Variants in ZYG11B observed in about 807,000 individuals in gnomAD.
The protein encoded by ZYG11B is protein zyg-11 homolog B.
A neutral mutation model predicts 82.4 loss-of-function variants in ZYG11B; 36 were observed. The observed-to-expected ratio is 0.44, with a 90% CI of 0.33 to 0.58. ZYG11B has a LOEUF of 0.58. ZYG11B is among the 20% of genes least tolerant of loss of function. The probability of loss-of-function intolerance (pLI) is 0.02; values close to 1 mark genes in which losing one functional copy is unlikely to be tolerated. For synonymous variants in ZYG11B, 303 were observed against 312.8 expected (o/e 0.97, Z 0.33); for missense variants, 552 against 895.6 (o/e 0.62, Z 4.90).
intron 8 of ZYG11B, among the ~76,000 whole-genome samples, chr1:52,801,544 A>ATGAG (rs5774128): frequency 0.59 from 89,723 of 151,598 alleles, 29,258 homozygotes; most frequent in East Asian, 0.97. Context: ...CTGTGACTGA[A>ATGAG]TAAGATAGTT....
In ZYG11B at chr1:52,771,504, C is replaced by A. The variant is rs1465629461; in HGVS notation, c.681C>A (p.Thr227=). The A allele has an allele frequency of 6.2e-7, 1 of 1,613,678 alleles. No homozygotes were observed. Among genetic ancestry groups the A allele is most frequent in the Non-Finnish European group, 8.5e-7 (1 of 1,179,946 alleles). Reference sequence around the variant, plus strand: ...TGAAATGTTTAAAAATGACAACTACCCAGATACTGGATGTAGTTCGGGAAC... The same window carrying A: ...TGAAATGTTTAAAAATGACAACTACACAGATACTGGATGTAGTTCGGGAAC... ...HHLKCLKMTT[T]QILDVVRELK... is the part of the protein sequence containing the mutation. Residue 227 remains threonine (T), a synonymous_variant, in exon 3 of 14, where the codon ACC becomes ACA. Transcript: ENST00000294353. The surrounding 1 kb of genome is among the most constrained non-coding windows in gnomAD (Gnocchi z 5.4).
intron 2 of ZYG11B, among the ~76,000 whole-genome samples, chr1:52,760,248 G>A (rs1571756953): frequency 6.6e-6 from 1 of 152,166 alleles, no homozygotes; most frequent in Non-Finnish European, 1.5e-5. Flanking sequence ...TTTGAGATCA[G>A]CCTGGCCAAC....
rs1477765540 is a variant in ZYG11B at position 52,816,563 on chromosome 1, T to C, written c.1978T>C (p.Cys660Arg). Residue 660 changes from cysteine to arginine, a missense_variant, in exon 13 of 14, where the codon TGT (cysteine) becomes CGT (arginine). By Grantham distance (180) the Cys-to-Arg change is radical. Around this residue, in one of 3 missense-constraint regions of ZYG11B, gnomAD observed 127 missense variants for 163.4 expected, o/e 0.78. Coordinates refer to ENST00000294353, the MANE Select transcript of ZYG11B (RefSeq NM_024646.3). Reference sequence around the variant, plus strand: ...TAATCCATTTTTCCCATTACTTGGCTGTTTCACAACACCAGGAGTTCAGCT... The same window carrying C: ...TAATCCATTTTTCCCATTACTTGGCCGTTTCACAACACCAGGAGTTCAGCT... ...SFNPFFPLLG[C>R]FTTPGVQLWA... The C allele has an allele frequency of 1.2e-6, 2 of 1,613,318 alleles. No individual in the cohort carries two copies. Among genetic ancestry groups the C allele is most frequent in the Admixed American group, 1.7e-5 (1 of 59,776 alleles).
chr1:52,752,086 C>A (rs1172562315), intron 1 of ZYG11B, among the ~76,000 whole-genome samples: 2 of 151,992 alleles, frequency 1.3e-5, no homozygotes, highest in Non-Finnish European at 2.9e-5. Context: ...AGGTGAGGGG[C>A]TCACTTCCAC....
intron 2 of ZYG11B, among the ~76,000 whole-genome samples, chr1:52,761,861 A>C (rs947989771): frequency 1.3e-5 from 2 of 152,154 alleles, no homozygotes; most frequent in Non-Finnish European, 2.9e-5. Context: ...TTTTGTTAAT[A>C]GCCATCCTGA....
At chr1:52,737,413 A>T (rs765485598) in intron 1 of ZYG11B, among the ~76,000 whole-genome samples, 1 of 152,146 alleles carries the variant, frequency 6.6e-6, no homozygotes, top group Non-Finnish European at 1.5e-5. Flanking sequence ...GTGTTTTTAC[A>T]GTTTCATGTC....
intron 13 of ZYG11B, among the ~76,000 whole-genome samples, chr1:52,821,005 G>A (rs1239747094): frequency 3.3e-5 from 5 of 151,048 alleles, no homozygotes; most frequent in Non-Finnish European, 5.9e-5. Context: ...CACAAGAATC[G>A]CTTGAACCCA....
In ZYG11B at chr1:52,731,198, G is replaced by A. The variant is rs1027905304; in HGVS notation, c.30+4515G>A. ...TGAGGCAGGAGAATTGCTTGAACCCGGGAGGTGGAGGCTGCAGTGTGAGCT... is the reference window on the plus strand; with the variant it reads ...TGAGGCAGGAGAATTGCTTGAACCCAGGAGGTGGAGGCTGCAGTGTGAGCT... On this transcript the variant is annotated intron_variant, in intron 1 of 13. Coordinates refer to ENST00000294353, the MANE Select transcript of ZYG11B (RefSeq NM_024646.3). Among the ~76,000 whole-genome samples, 9 of 151,526 alleles carry A rather than the reference G, an allele frequency of 5.9e-5. No individual in the cohort carries two copies. The East Asian group carries it at 1.8e-3, about 30-fold the overall frequency.
At chr1:52,730,104 G>A (rs1644317623) in intron 1 of ZYG11B, among the ~76,000 whole-genome samples, 1 of 152,096 alleles carries the variant, frequency 6.6e-6, no homozygotes. Context: ...TACTACAAAA[G>A]TTTGCATTTC....
chr1:52,781,184 C>T (rs893317624), intron 4 of ZYG11B, among the ~76,000 whole-genome samples: 1 of 152,048 alleles, frequency 6.6e-6, no homozygotes, highest in African/African-American at 2.4e-5. Flanking sequence ...CACTAGAAGT[C>T]TAGGATGTTG....
At chr1:52,744,370 A>C (rs1018383544) in intron 1 of ZYG11B, among the ~76,000 whole-genome samples, 2 of 152,184 alleles carry the variant, frequency 1.3e-5, no homozygotes, top group Non-Finnish European at 2.9e-5. Context: ...CACAATGACA[A>C]AATTGCCTAA....
chr1:52,737,332 T>C (rs1185583188), intron 1 of ZYG11B, among the ~76,000 whole-genome samples: 1 of 152,184 alleles, frequency 6.6e-6, no homozygotes, highest in Non-Finnish European at 1.5e-5. Flanking sequence ...TTGTTTTCTG[T>C]GGTATTATTA....
At chr1:52,746,687 G>GTTTTTTTTTTTTTTTTTTTTTTTTTT (rs11446988) in intron 1 of ZYG11B, among the ~76,000 whole-genome samples, 1 of 33,508 alleles carries the variant, frequency 3.0e-5, no homozygotes, top group African/African-American at 1.3e-4. Context: ...ATCGGCCACT[G>GTTTTTTTTTTTTTTTTTTTTTTTTTT]TTTTTTTTTT....
chr1:52,756,436 A>T (rs776504281), intron 1 of ZYG11B, 22 bp from the exon 2 acceptor site: 1 of 1,592,976 alleles, frequency 6.3e-7, no homozygotes, highest in Non-Finnish European at 8.6e-7. Context: ...TGTTTCTTTT[A>T]TATTTTTCCC....
chr1:52,730,937 A>G (rs1428407668), intron 1 of ZYG11B, among the ~76,000 whole-genome samples: 3 of 152,066 alleles, frequency 2.0e-5, no homozygotes, highest in Non-Finnish European at 4.4e-5. Flanking sequence ...CTTACTTTCA[A>G]GTAGAGAACT....
At chr1:52,766,432 A>G (rs1344437245) in intron 2 of ZYG11B, among the ~76,000 whole-genome samples, 1 of 151,774 alleles carries the variant, frequency 6.6e-6, no homozygotes. Context: ...ATATTTGTTT[A>G]CTTTTGAAAA....
chr1:52,772,152 T>G, intron 3 of ZYG11B: 2 of 1,313,218 alleles, frequency 1.5e-6, no homozygotes, highest in Non-Finnish European at 2.2e-6. Flanking sequence ...TTGTTTTATT[T>G]TAGTTAAACA....
At chr1:52,740,770 G>A (rs1644422260) in intron 1 of ZYG11B, among the ~76,000 whole-genome samples, 1 of 151,420 alleles carries the variant, frequency 6.6e-6, no homozygotes, top group Non-Finnish European at 1.5e-5. Flanking sequence ...TCACCATGTT[G>A]GCCAGGCTGG....
chr1:52,793,859 TTTTC>T (rs1165915709), intron 6 of ZYG11B, among the ~76,000 whole-genome samples: 24 of 112,922 alleles, frequency 2.1e-4, no homozygotes, highest in African/African-American at 8.5e-4. Context: ...TCTTTCTTCC[TTTTC>T]TTTCTTTCCT....
Sources: gnomAD v4.1 joint callset for allele counts (sites outside exome capture counted in the v4.1 genomes callset) on GRCh38, gnomAD v4.1.1 for gene constraint, gnomAD v4.1.1 regional missense constraint, Gnocchi (gnomAD v3.1) non-coding constraint, MANE v1.5 for transcripts, NCBI Gene and HGNC (gene_info 2026-07-23, HGNC 2026-07-21) for gene names.